Variants in NELL2 observed in about 807,000 individuals in gnomAD.
NELL2 encodes the protein protein kinase C-binding protein NELL2.
NELL2 carries 41 observed loss-of-function variants against 109.6 expected under a neutral mutation model. The ratio of observed to expected loss-of-function variants is 0.37; its 90% confidence interval spans 0.29 to 0.49. The LOEUF (loss-of-function observed/expected upper bound fraction) is 0.49, where lower values mean the gene tolerates loss of function less well. Among genes scored for constraint, NELL2 ranks in the 20% least tolerant of loss-of-function variants. The pLI is 0.98. For missense variants in NELL2, 900 were observed against 1,008.3 expected (o/e 0.89, Z 1.45); for synonymous variants, 355 against 344.7 (o/e 1.03, Z -0.33).
At chr12:44,784,732 A>G (rs769034167) in intron 3 of NELL2, among the ~76,000 whole-genome samples, 2 of 152,224 alleles carry the variant, frequency 1.3e-5, no homozygotes, top group Non-Finnish European at 2.9e-5. Context: ...CAACATATGC[A>G]TATCAATAAA....
At chr12:44,686,037 T>G (rs1480233097) in intron 12 of NELL2, among the ~76,000 whole-genome samples, 2 of 152,230 alleles carry the variant, frequency 1.3e-5, no homozygotes, top group African/African-American at 4.8e-5. Context: ...ATTCTCTCCA[T>G]TACTTTCAGG....
intron 1 of NELL2, 27 bp from the exon 2 acceptor site, chr12:44,875,380 A>G (rs755619581): frequency 1.2e-6 from 2 of 1,614,066 alleles, no homozygotes; most frequent in Non-Finnish European, 1.7e-6. Context: ...GGTGGGAGAG[A>G]GAAAAAGGAA....
At chr12:44,717,571 T>A (rs1938554688) in intron 9 of NELL2, among the ~76,000 whole-genome samples, 1 of 151,980 alleles carries the variant, frequency 6.6e-6, no homozygotes, top group Non-Finnish European at 1.5e-5. Context: ...TGGATTAAGA[T>A]TAAGAAAATA....
intron 13 of NELL2, among the ~76,000 whole-genome samples, chr12:44,619,637 AGAGGAGGAGAAGGAGGAGGAG>A (rs1945971124): frequency 6.6e-6 from 1 of 152,174 alleles, no homozygotes; most frequent in East Asian, 1.9e-4. Flanking sequence ...AGGCGGCGGA[AGAGGAGGAGAAGGAGGAGGAG>A]GAGGAGGAGG....
intron 9 of NELL2, among the ~76,000 whole-genome samples, chr12:44,727,443 A>T (rs1464606656): frequency 6.6e-6 from 1 of 152,102 alleles, no homozygotes; most frequent in African/African-American, 2.4e-5. Flanking sequence ...ATGCTTCTTA[A>T]ATTTTAAATA....
At chr12:44,821,647 T>C (rs1230003055) in intron 2 of NELL2, among the ~76,000 whole-genome samples, 1 of 152,158 alleles carries the variant, frequency 6.6e-6, no homozygotes, top group Non-Finnish European at 1.5e-5. Flanking sequence ...ACATTGACCA[T>C]TAAATCAAGT....
chr12:44,763,832 T>C (rs1464549965), intron 9 of NELL2, among the ~76,000 whole-genome samples: 1 of 152,130 alleles, frequency 6.6e-6, no homozygotes, highest in Non-Finnish European at 1.5e-5. Context: ...TAATGCTGTA[T>C]TGCTTTTATT....
chr12:44,601,777 G>T (rs1421170159), intron 15 of NELL2, among the ~76,000 whole-genome samples: 1 of 152,148 alleles, frequency 6.6e-6, no homozygotes, highest in African/African-American at 2.4e-5. Flanking sequence ...CCATGAGATA[G>T]ATATTACTAT....
chr12:44,638,514 T>C (rs750837658), intron 13 of NELL2, among the ~76,000 whole-genome samples: 8 of 152,112 alleles, frequency 5.3e-5, no homozygotes, highest in Non-Finnish European at 1.0e-4. Flanking sequence ...AAAATACACA[T>C]GCAATTTCTA....
Position 44,876,306 on chromosome 12 carries a change from C to T in NELL2, c.-437G>A, listed in dbSNP as rs1323428533. The T allele has an allele frequency of 3.4e-6, 4 of 1,176,334 alleles. No individual in the cohort carries two copies. The highest frequency in any genetic ancestry group is 4.2e-6 in the Non-Finnish European group (4 of 948,700). 72.9% of individuals were successfully genotyped at this position (1,176,334 alleles called of 1,614,324 possible). On this transcript the variant is annotated 5_prime_UTR_variant, in exon 1 of 20. Coordinates refer to ENST00000429094, the MANE Select transcript of NELL2 (RefSeq NM_001145108.2). ...CCGCCGCCCGAACCTGTTGTAAAGGCAGAGACAATGGAGAAAGCTCCGGGA... is the reference window on the plus strand; with the variant it reads ...CCGCCGCCCGAACCTGTTGTAAAGGTAGAGACAATGGAGAAAGCTCCGGGA...
intron 16 of NELL2, among the ~76,000 whole-genome samples, chr12:44,530,092 C>T (rs1334797599): frequency 1.3e-5 from 2 of 152,026 alleles, no homozygotes; most frequent in Non-Finnish European, 2.9e-5. Flanking sequence ...ATGCAAGATA[C>T]AATGATGAGT....
At chr12:44,631,222 G>GTATA (rs374057240) in intron 13 of NELL2, among the ~76,000 whole-genome samples, 1 of 147,454 alleles carries the variant, frequency 6.8e-6, no homozygotes, top group African/African-American at 2.5e-5. Flanking sequence ...ATAATGAAAT[G>GTATA]TATATATATA....
chr12:44,518,872 A>G (rs982658241), intron 19 of NELL2, among the ~76,000 whole-genome samples: 1 of 152,370 alleles, frequency 6.6e-6, no homozygotes, highest in Admixed American at 6.5e-5. Context: ...ACTTTTAGTA[A>G]TAGTAACTTT....
At chr12:44,910,892 T>C (rs1945772361) in intron 1 of NELL2, among the ~76,000 whole-genome samples, 1 of 151,950 alleles carries the variant, frequency 6.6e-6, no homozygotes, top group South Asian at 2.1e-4. Flanking sequence ...ATCACATTAA[T>C]GCAGGAACAG....
chr12:44,683,060 G>T (rs1948582841), intron 12 of NELL2, among the ~76,000 whole-genome samples: 2 of 152,188 alleles, frequency 1.3e-5, no homozygotes, highest in Non-Finnish European at 2.9e-5. Flanking sequence ...AGGATGGAAT[G>T]TTCCTCCATT....
intron 15 of NELL2, among the ~76,000 whole-genome samples, chr12:44,534,698 G>A (rs1303174441): frequency 6.6e-6 from 1 of 152,070 alleles, no homozygotes. Context: ...AAGAAAACAG[G>A]TTGGAATTTA....
chr12:44,711,506 G>A (rs1284249401), intron 10 of NELL2, 112 bp from the exon 11 acceptor site: 15 of 783,122 alleles, frequency 1.9e-5, no homozygotes, highest in Non-Finnish European at 1.3e-5. Flanking sequence ...TTTTTGTCCT[G>A]AGGACCTCTG....
chr12:44,680,608 G>A (rs967858402), intron 12 of NELL2, among the ~76,000 whole-genome samples: 4 of 151,920 alleles, frequency 2.6e-5, no homozygotes, highest in Admixed American at 6.6e-5. Flanking sequence ...CATAATGCCC[G>A]CCTCTTCACC....
At chr12:44,748,036 C>T (rs1412496072) in intron 9 of NELL2, among the ~76,000 whole-genome samples, 1 of 152,136 alleles carries the variant, frequency 6.6e-6, no homozygotes, top group Non-Finnish European at 1.5e-5. Flanking sequence ...CTGACTCTCA[C>T]TTGTATCATC....
Sources: allele counts gnomAD v4.1 joint callset (sites outside exome capture counted in the v4.1 genomes callset), GRCh38; gene constraint gnomAD v4.1.1; transcripts MANE v1.5; gene names NCBI Gene and HGNC (gene_info 2026-07-23, HGNC 2026-07-21).